GPR139: variants seen among roughly 807,000 people sequenced by gnomAD.
GPR139 encodes the protein probable G protein-coupled receptor 139.
In GPR139, 12 loss-of-function variants were observed where a neutral mutation model predicts 25.8. The observed-to-expected ratio is 0.47, with a 90% CI of 0.30 to 0.75. GPR139 has a LOEUF of 0.75. Ranked by LOEUF, GPR139 falls within the 30% of genes least tolerant of loss-of-function variation. The pLI is 0.07. For synonymous variants in GPR139, 184 were observed against 179.9 expected, an observed-to-expected ratio of 1.02 and a Z score of -0.18; for missense variants, 380 against 450.2, an observed-to-expected ratio of 0.84 and a Z score of 1.41.
chr16:20,060,772 C>G (rs1429322282), intron 1 of GPR139, among the ~76,000 whole-genome samples: 1 of 152,042 alleles, frequency 6.6e-6, no homozygotes, highest in Non-Finnish European at 1.5e-5. Flanking sequence ...CTTTTTTGGT[C>G]ACTCCAGACA....
In GPR139 at chr16:20,050,417, C is replaced by G. The variant is rs1161436400; in HGVS notation, c.128-17748G>C. 2.6e-5 allele frequency among the ~76,000 whole-genome samples: 4 copies of G among 152,256 alleles called. No individual in the cohort carries two copies. The South Asian group carries it at 8.3e-4, about 32-fold the overall frequency. ...TGCAGGGATGGGTGGGGCTAGGAGA[C>G]AGATGCATCTGTAAGATTTCTGAAT... On this transcript the variant is annotated intron_variant, in intron 1 of 1. Transcript: ENST00000570682.
rs1424295812 is a variant in GPR139 at position 20,057,992 on chromosome 16, A to G, written c.127+15498T>C. ...AGTCCCTGGCACAAAGTAGGGCCTC[A>G]TGAAATGAAACCTGGTCCTTGATAA... On this transcript the variant is annotated intron_variant, in intron 1 of 1. Transcript: ENST00000570682. Among the ~76,000 whole-genome samples the G allele has an allele frequency of 2.0e-5, 3 of 152,302 alleles. No individual in the cohort carries two copies. In the East Asian group the frequency reaches 5.8e-4, roughly 29 times the overall value.
At position 20,049,262 on chromosome 16, in the gene GPR139, G is replaced by A. The variant is rs148095992; in HGVS notation, c.128-16593C>T. Among the ~76,000 whole-genome samples, 150 of 152,246 alleles carry A rather than the reference G, an allele frequency of 9.9e-4. 1 individual carries two copies. Among genetic ancestry groups the A allele is most frequent in the Middle Eastern group, 3.4e-3 (1 of 294 alleles). ...TAGATGGATGGATGGACTCCCCAAGGCTCTCTCTGTGTGACATCCATCTGT... is the reference window on the plus strand; with the variant it reads ...TAGATGGATGGATGGACTCCCCAAGACTCTCTCTGTGTGACATCCATCTGT... On this transcript the variant is annotated intron_variant, in intron 1 of 1. Transcript: ENST00000570682.
At chr16:20,059,557 G>A (rs1480738393) in intron 1 of GPR139, among the ~76,000 whole-genome samples, 2 of 152,172 alleles carry the variant, frequency 1.3e-5, no homozygotes, top group Non-Finnish European at 2.9e-5. Context: ...GGAGCTCCCT[G>A]TCACCTTACC....
chr16:20,060,130 G>A (rs1035271493), intron 1 of GPR139, among the ~76,000 whole-genome samples: 2 of 152,142 alleles, frequency 1.3e-5, no homozygotes, highest in African/African-American at 2.4e-5. Flanking sequence ...GGCAGATGAT[G>A]GTTCTTGTCA....
At chr16:20,069,116 A>G (rs1443541782) in intron 1 of GPR139, among the ~76,000 whole-genome samples, 2 of 152,212 alleles carry the variant, frequency 1.3e-5, no homozygotes, top group African/African-American at 4.8e-5. Flanking sequence ...GTTTTGATAA[A>G]GCTGGCGTCA....
intron 1 of GPR139, among the ~76,000 whole-genome samples, chr16:20,058,020 C>T (rs1193718029): frequency 1.3e-5 from 2 of 152,174 alleles, no homozygotes; most frequent in African/African-American, 4.8e-5. Context: ...CTTGATAATG[C>T]AGCCTAAAGG....
At chr16:20,069,497 C>T (rs74661189) in intron 1 of GPR139, among the ~76,000 whole-genome samples, 3 of 152,324 alleles carry the variant, frequency 2.0e-5, no homozygotes, top group East Asian at 3.9e-4. Flanking sequence ...AACTACCATG[C>T]GTCAGGCTTA....
At chr16:20,045,217 C>G (rs1396110324) in intron 1 of GPR139, among the ~76,000 whole-genome samples, 1 of 152,102 alleles carries the variant, frequency 6.6e-6, no homozygotes, top group Non-Finnish European at 1.5e-5. Flanking sequence ...CCAGGCTGCT[C>G]TCGAACTCCT....
At chr16:20,043,135 C>T (rs1400131859) in intron 1 of GPR139, among the ~76,000 whole-genome samples, 3 of 152,224 alleles carry the variant, frequency 2.0e-5, no homozygotes, top group African/African-American at 7.2e-5. Context: ...TATTCCAGGA[C>T]AGTCTGACTC....
At position 20,032,542 on chromosome 16, in the gene GPR139, G is replaced by A. The variant is rs1471386926; in HGVS notation, c.255C>T (p.Phe85=). Residue 85 remains phenylalanine (F), a synonymous_variant, in exon 2 of 2, where the codon TTC becomes TTT. Transcript: ENST00000570682. ...LVLFFIVFVD[F]LLEDFILNMQ... is the part of the protein sequence containing the mutation. ...TGTTCAAGATGAAATCTTCCAACAG[G>A]AAGTCCACAAACACTATGAAAAAGA... is the stretch of plus-strand genomic sequence containing the variant. 3.1e-6 allele frequency: 5 copies of A among 1,614,034 alleles called. No homozygotes were observed. The African/African-American group carries it at 5.3e-5, about 17-fold the overall frequency.
intron 1 of GPR139, among the ~76,000 whole-genome samples, chr16:20,055,113 G>C (rs374548798): frequency 4.0e-5 from 6 of 148,466 alleles, no homozygotes; most frequent in Admixed American, 3.4e-4. Context: ...ACCCTCCACC[G>C]TCTGATAGGC....
rs148379597 is a variant in GPR139, at chr16:20,065,498, T to G, written c.127+7992A>C. Among the ~76,000 whole-genome samples the G allele has an allele frequency of 1.8e-3, 280 of 152,334 alleles. 1 individual carries two copies. Among genetic ancestry groups the G allele is most frequent in the Non-Finnish European group, 3.3e-3 (222 of 68,026 alleles). Reference sequence around the variant, plus strand: ...ATACTGCCCTGTCATTTCTTCACTGTGTGACCTTGGGGAAGTGTCTCAAAG... The same window carrying G: ...ATACTGCCCTGTCATTTCTTCACTGGGTGACCTTGGGGAAGTGTCTCAAAG... On this transcript the variant is annotated intron_variant, in intron 1 of 1. Transcript: ENST00000570682.
chr16:20,031,876 C>A lies in GPR139; in HGVS notation c.921G>T (p.Gln307His). Reference sequence around the variant, plus strand: ...TGGTGTAGAACTGTACAGGTTGCTTCTGGCACTTGAAGAAAGCCTTGAGCG... The same window carrying A: ...TGGTGTAGAACTGTACAGGTTGCTTATGGCACTTGAAGAAAGCCTTGAGCG... ...AATLKAFFKC[Q>H]KQPVQFYTNH... Residue 307 changes from glutamine (Q) to histidine (H), a missense_variant, in exon 2 of 2, where the codon CAG (glutamine) becomes CAT (histidine). By Grantham distance (24) the Gln-to-His change is conservative (BLOSUM62 0). Coordinates refer to ENST00000570682, the MANE Select transcript of GPR139 (RefSeq NM_001002911.4). The A allele has an allele frequency of 6.2e-7, 1 of 1,614,142 alleles. No homozygotes were observed. The highest frequency in any genetic ancestry group is 8.5e-7 in the Non-Finnish European group (1 of 1,180,012).
chr16:20,033,252 C>G (rs1188242849), intron 1 of GPR139, among the ~76,000 whole-genome samples: 1 of 151,552 alleles, frequency 6.6e-6, no homozygotes, highest in Non-Finnish European at 1.5e-5. Flanking sequence ...CGCCATTCTC[C>G]TCACACAACC....
rs74908094 is a variant in GPR139, at chr16:20,042,490, T to C, written c.128-9821A>G. Reference sequence around the variant, plus strand: ...CCTAAGCCCTCTAGTTGCAGCTGCATTCCAAACCTTACCCTCAACTTTGTT... The same window carrying C: ...CCTAAGCCCTCTAGTTGCAGCTGCACTCCAAACCTTACCCTCAACTTTGTT... On this transcript the variant is annotated intron_variant, in intron 1 of 1. Transcript: ENST00000570682. Among the ~76,000 whole-genome samples, 558 of 152,234 alleles carry C rather than the reference T, an allele frequency of 3.7e-3. 12 individuals are homozygous for C. The East Asian group carries it at 0.041, about 11-fold the overall frequency.
rs552511179 is a variant in GPR139, at chr16:20,073,878, G to T, written c.-262C>A. On this transcript the variant is annotated 5_prime_UTR_variant, in exon 1 of 2. Transcript: ENST00000570682. This position sits in a 1 kb window ranked among gnomAD's most constrained non-coding sequence, Gnocchi z 4.7. Reference sequence around the variant, plus strand: ...GCGCGGGGCCTCGGGAGGGGCTCCCGGAGCCCGTCTGTGCGCCTCCCACCT... The same window carrying T: ...GCGCGGGGCCTCGGGAGGGGCTCCCTGAGCCCGTCTGTGCGCCTCCCACCT... 29 of 416,750 alleles carry T rather than the reference G, an allele frequency of 7.0e-5. No homozygotes were observed. In the East Asian group the frequency reaches 1.3e-3, roughly 19 times the overall value. The allele number at this position is 416,750 out of a possible 1,614,324, so 25.8% of individuals were successfully genotyped here.
At chr16:20,046,364 T>A (rs2057354415) in intron 1 of GPR139, among the ~76,000 whole-genome samples, 1 of 152,234 alleles carries the variant, frequency 6.6e-6, no homozygotes, top group Non-Finnish European at 1.5e-5. Flanking sequence ...GAGCTTACAG[T>A]CCATTCTGAC....
rs140063049 is a variant in GPR139 at position 20,032,066 on chromosome 16, C to T, written c.731G>A (p.Arg244His). Reference protein sequence around the residue: ...TSIFATLWAPRIIMILYHLYG... With the variant: ...TSIFATLWAPHIIMILYHLYG... ...GAGGTGGTAAAGAATCATGATGATG[C>T]GGGGGGCCCAAAGTGTGGCAAAGAT... The change falls in exon 2 of 2, where the codon CGC becomes CAC. Residue 244 changes from arginine to histidine, a missense_variant. Physicochemically the swap from Arg to His is conservative, Grantham distance 29. Coordinates refer to ENST00000570682, the MANE Select transcript of GPR139 (RefSeq NM_001002911.4). 79 of 1,614,094 alleles carry T rather than the reference C, an allele frequency of 4.9e-5. No individual in the cohort carries two copies. The highest frequency in any genetic ancestry group is 8.0e-5 in the African/African-American group (6 of 75,000).
Sources: gnomAD v4.1 joint callset for allele counts (sites outside exome capture counted in the v4.1 genomes callset) on GRCh38, gnomAD v4.1.1 for gene constraint, Gnocchi (gnomAD v3.1) non-coding constraint, MANE v1.5 for transcripts, NCBI Gene and HGNC (gene_info 2026-07-23, HGNC 2026-07-21) for gene names.